Variants in IL34 observed in about 807,000 individuals in gnomAD.
The protein encoded by IL34 is interleukin 34.
IL34 carries 17 observed loss-of-function variants against 25.3 expected under a neutral mutation model. The ratio of observed to expected loss-of-function variants is 0.67; its 90% confidence interval spans 0.46 to 1.01. The LOEUF (loss-of-function observed/expected upper bound fraction) is 1.01. Among genes scored for constraint, IL34 ranks in the 50% least tolerant of loss-of-function variants. The pLI is 0.00. For missense variants in IL34, 368 were observed against 312.9 expected (o/e 1.18, Z -1.33); for synonymous variants, 174 against 140.9 (o/e 1.23, Z -1.66).
At chr16:70,648,689 CAGA>C (rs1404661399) in intron 1 of IL34, among the ~76,000 whole-genome samples, 3 of 151,448 alleles carry the variant, frequency 2.0e-5, no homozygotes, top group African/African-American at 7.3e-5. Context: ...GGGAGAGCAG[CAGA>C]TTGAGGTGGG....
intron 1 of IL34, among the ~76,000 whole-genome samples, chr16:70,615,127 G>A (rs1400843444): frequency 6.6e-6 from 1 of 152,132 alleles, no homozygotes; most frequent in African/African-American, 2.4e-5. Context: ...CTGGACTTAC[G>A]GTGTATGCAT....
At chr16:70,654,707 G>GCGTCC (rs781078773) in intron 2 of IL34, 36 bp downstream of exon 2, 3 of 1,568,068 alleles carry the variant, frequency 1.9e-6, no homozygotes, top group Non-Finnish European at 2.6e-6. Flanking sequence ...CCCTGTCCCC[G>GCGTCC]CGTCCCGGGG....
chr16:70,645,333 C>A (rs150782041), upstream of IL34, among the ~76,000 whole-genome samples: 879 of 152,284 alleles, frequency 5.8e-3, 4 homozygotes, highest in African/African-American at 0.02. Flanking sequence ...TAAGGGCCAG[C>A]ATTCTTTGGT....
intron 1 of IL34, among the ~76,000 whole-genome samples, chr16:70,627,831 C>T (rs942165799): frequency 1.3e-5 from 2 of 152,040 alleles, no homozygotes; most frequent in Admixed American, 1.3e-4. Flanking sequence ...CACGTGTATT[C>T]TTTTGTATCT....
rs767840379 is a variant in IL34, at chr16:70,654,584, G to A, written c.75G>A (p.Glu25=). 27 of 1,613,616 alleles carry A rather than the reference G, an allele frequency of 1.7e-5. No individual in the cohort carries two copies. The South Asian group carries it at 2.3e-4, about 14-fold the overall frequency. ...LGVALGNEPL[E]MWPLTQNEEC... is the part of the protein sequence containing the mutation. ...TGGCCTTGGGGAATGAGCCTTTGGA[G>A]ATGTGGCCCTTGACGCAGAATGAGG... Residue 25 remains glutamate (E), a synonymous_variant, in exon 2 of 6, where the codon GAG becomes GAA. Transcript: ENST00000288098.
chr16:70,605,739 C>G (rs529743621), intron 1 of IL34, among the ~76,000 whole-genome samples: 15 of 152,118 alleles, frequency 9.9e-5, no homozygotes, highest in African/African-American at 3.4e-4. Flanking sequence ...AGCGCAATCT[C>G]GGCTCACTGC....
chr16:70,631,891 A>G (rs547107714), intron 1 of IL34, among the ~76,000 whole-genome samples: 1 of 151,846 alleles, frequency 6.6e-6, no homozygotes, highest in South Asian at 2.1e-4. Flanking sequence ...GGAGTTCAAG[A>G]CCAGCCTGGG....
At chr16:70,633,107 G>C (rs2051556397) in intron 1 of IL34, among the ~76,000 whole-genome samples, 1 of 152,104 alleles carries the variant, frequency 6.6e-6, no homozygotes, top group Non-Finnish European at 1.5e-5. Context: ...TGAGACCACA[G>C]GTGCATGCCA....
intron 1 of IL34, among the ~76,000 whole-genome samples, chr16:70,641,030 G>T (rs1489162230): frequency 6.6e-6 from 1 of 152,182 alleles, no homozygotes; most frequent in Non-Finnish European, 1.5e-5. Context: ...CCAGCACGTT[G>T]GGAGGCCGAG....
intron 1 of IL34, among the ~76,000 whole-genome samples, chr16:70,641,535 CCCTTCCTT>C (rs926945732): frequency 1.4e-5 from 2 of 140,208 alleles, no homozygotes; most frequent in African/African-American, 5.8e-5. Context: ...CTCCCTCCCT[CCCTTCCTT>C]CCTTCCTTCC....
intron 1 of IL34, among the ~76,000 whole-genome samples, chr16:70,648,772 C>T (rs1385219389): frequency 6.6e-6 from 1 of 151,904 alleles, no homozygotes; most frequent in Non-Finnish European, 1.5e-5. Flanking sequence ...CTTCGGGTGG[C>T]TTAGAGCAAC....
At chr16:70,590,348 T>C (rs1053639778) in intron 1 of IL34, among the ~76,000 whole-genome samples, 3 of 152,156 alleles carry the variant, frequency 2.0e-5, no homozygotes, top group Admixed American at 1.3e-4. Context: ...GATGTCTGCA[T>C]GAGGAACAGA....
In IL34 at chr16:70,625,728, G is replaced by C. The variant is rs555091697; in HGVS notation, c.-400-20820G>C. On this transcript the variant is annotated intron_variant, in intron 1 of 6. Transcript: ENST00000429149. ...TTGGGTCCACCGATAAAACGTGTCT[G>C]CTTTGTCTCTCCCAGAAAATGAAAG... Among the ~76,000 whole-genome samples, 229 of 151,840 alleles carry C rather than the reference G, an allele frequency of 1.5e-3. 1 individual carries two copies. The highest frequency in any genetic ancestry group is 1.9e-3 in the Non-Finnish European group (131 of 67,756).
intron 1 of IL34, among the ~76,000 whole-genome samples, chr16:70,620,442 G>GA (rs1290453796): frequency 1.1e-5 from 1 of 94,276 alleles, no homozygotes. Flanking sequence ...GTGAGGAGGG[G>GA]AGGTGATAAA....
chr16:70,659,867 T>A, intron 5 of IL34, 114 bp downstream of exon 5: 1 of 1,486,538 alleles, frequency 6.7e-7, no homozygotes, highest in Non-Finnish European at 9.1e-7. Flanking sequence ...TCCCCGGGGC[T>A]ACAAGCCATT....
At chr16:70,654,763 C>A in intron 2 of IL34, 92 bp downstream of exon 2, 1 of 1,467,086 alleles carries the variant, frequency 6.8e-7, no homozygotes, top group Non-Finnish European at 9.2e-7. Flanking sequence ...TTCTTAGGAC[C>A]TGTGTCAGCC....
chr16:70,652,772 A>C (rs2052112430), intron 1 of IL34, among the ~76,000 whole-genome samples: 1 of 152,234 alleles, frequency 6.6e-6, no homozygotes, highest in South Asian at 2.1e-4. Context: ...AAGAGTATAG[A>C]CATTTTTAAG....
rs140286717 is a variant in IL34 at position 70,609,536 on chromosome 16, G to C, written c.-401+29487G>C. Among the ~76,000 whole-genome samples the C allele has an allele frequency of 9.9e-4, 150 of 151,684 alleles. 3 individuals are homozygous for C. In the East Asian group the frequency reaches 0.027, roughly 27 times the overall value. ...CAGGATAAATTAATGTCACTGTGCA[G>C]ATCAAGCAACAAGCAAGTGCGTACC... On this transcript the variant is annotated intron_variant, in intron 1 of 6. Transcript: ENST00000429149.
intron 4 of IL34, among the ~76,000 whole-genome samples, chr16:70,658,186 C>G (rs139111702): frequency 0.014 from 2,137 of 152,248 alleles, 57 homozygotes; most frequent in African/African-American, 0.045. Flanking sequence ...TGTGAGCTTC[C>G]GACGGTGAAA....
Sources: allele counts gnomAD v4.1 joint callset (sites outside exome capture counted in the v4.1 genomes callset), GRCh38; gene constraint gnomAD v4.1.1; transcripts MANE v1.5; gene names NCBI Gene and HGNC (gene_info 2026-07-23, HGNC 2026-07-21).